Variants in SPAST observed in about 807,000 individuals in gnomAD.
SPAST encodes the protein spastin, also known as spastic paraplegia 4 (autosomal dominant; spastin).
Under a neutral mutation model 76.6 loss-of-function variants are expected in SPAST, and 30 were observed. The observed-to-expected ratio is 0.39, with a 90% CI of 0.29 to 0.53. The LOEUF (loss-of-function observed/expected upper bound fraction) is 0.53, where lower values mean the gene tolerates loss of function less well. Ranked by LOEUF, SPAST falls within the 20% of genes least tolerant of loss-of-function variation. The pLI is 0.68. For missense variants in SPAST, 717 were observed against 770.5 expected (o/e 0.93, Z 0.82); for synonymous variants, 305 against 281.0 (o/e 1.09, Z -0.86).
At chr2:32,085,272 T>C (rs1264320565) in intron 1 of SPAST, among the ~76,000 whole-genome samples, 1 of 144,532 alleles carries the variant, frequency 6.9e-6, no homozygotes, top group African/African-American at 2.5e-5. Flanking sequence ...AATGGTACAA[T>C]CTGGTACAAT....
chr2:32,106,737 G>T (rs911863355), intron 4 of SPAST, among the ~76,000 whole-genome samples: 2 of 152,144 alleles, frequency 1.3e-5, no homozygotes, highest in African/African-American at 4.8e-5. Flanking sequence ...TCTTATGTTG[G>T]TTTGGTCTTA....
At chr2:32,081,826 G>T (rs1252303401) in intron 1 of SPAST, among the ~76,000 whole-genome samples, 2 of 130,212 alleles carry the variant, frequency 1.5e-5, no homozygotes, top group Non-Finnish European at 3.4e-5. Context: ...TGCTCCAAAT[G>T]CTGGGCTCAT....
At chr2:32,147,130 T>C (rs930967451) in intron 15 of SPAST, 88 bp from the exon 16 acceptor site, 3 of 826,722 alleles carry the variant, frequency 3.6e-6, no homozygotes, top group African/African-American at 3.3e-5. Flanking sequence ...AATAGATACA[T>C]GTAGATCATT....
At chr2:32,090,167 G>T (rs1319159787) in intron 3 of SPAST, among the ~76,000 whole-genome samples, 4 of 152,210 alleles carry the variant, frequency 2.6e-5, no homozygotes, top group Admixed American at 2.6e-4. Context: ...TGCAGCTGAT[G>T]GGCCAACCCA....
intron 14 of SPAST, 132 bp downstream of exon 14, chr2:32,143,547 C>G: frequency 1.5e-6 from 1 of 660,024 alleles, no homozygotes; most frequent in South Asian, 1.8e-5. Flanking sequence ...CTCTCATCCT[C>G]TACCTCCTTT....
In SPAST at chr2:32,126,964, G is replaced by C; in HGVS notation, c.1115G>C (p.Arg372Thr). 2 of 1,611,218 alleles carry C rather than the reference G, an allele frequency of 1.2e-6. No homozygotes were observed. The highest frequency in any genetic ancestry group is 8.5e-7 in the Non-Finnish European group (1 of 1,177,406). ...SLRPELFTGL[R>T]APARGLLLFG... ...ATTTTTTAGTTGTTCACAGGGCTTA[G>C]AGCTCCTGCCAGAGGGCTGTTACTC... Residue 372 changes from arginine (R) to threonine (T), a missense_variant, in exon 8 of 17, where the codon AGA (arginine) becomes ACA (threonine). Around this residue, in one of 3 missense-constraint regions of SPAST, gnomAD observed 78 missense variants for 197.6 expected, o/e 0.39. Coordinates refer to ENST00000315285, the MANE Select transcript of SPAST (RefSeq NM_014946.4).
At chr2:32,131,994 A>C (rs905542522) in intron 9 of SPAST, among the ~76,000 whole-genome samples, 3 of 152,098 alleles carry the variant, frequency 2.0e-5, no homozygotes, top group Admixed American at 1.3e-4. Context: ...TACTTTTTTC[A>C]AGAGTACTGT....
chr2:32,069,657 C>T (rs1200212710), intron 1 of SPAST, among the ~76,000 whole-genome samples: 2 of 151,388 alleles, frequency 1.3e-5, no homozygotes, highest in South Asian at 2.1e-4. Context: ...CCCACGTTCA[C>T]GCCATTTTCC....
At chr2:32,085,202 CTTCTTT>C (rs1490881478) in intron 1 of SPAST, among the ~76,000 whole-genome samples, 4 of 122,968 alleles carry the variant, frequency 3.3e-5, no homozygotes, top group African/African-American at 1.2e-4. Flanking sequence ...TTTTCTTCTT[CTTCTTT>C]TTTTTTTTTT....
intron 9 of SPAST, among the ~76,000 whole-genome samples, chr2:32,130,862 C>T (rs1157289170): frequency 6.6e-6 from 1 of 152,048 alleles, no homozygotes; most frequent in Non-Finnish European, 1.5e-5. Flanking sequence ...TTTATCAGTA[C>T]ACCAAGAGCA....
rs1558620248 is a variant in SPAST at position 32,083,767 on chromosome 2, TATATATATA to T, written c.416-3724_416-3716del. 8.7e-3 allele frequency among the ~76,000 whole-genome samples: 860 copies of T among 98,506 alleles called. 14 individuals are homozygous for T. The highest frequency in any genetic ancestry group is 0.011 in the African/African-American group (257 of 23,424). 64.6% of individuals were successfully genotyped at this position (98,506 alleles called of 152,430 possible). On this transcript the variant is annotated intron_variant, in intron 1 of 16. Transcript: ENST00000315285. Reference sequence around the variant, plus strand: ...TATATATACTATATATATATATATATATATATATATTTTTTTTTTTTTTTGAGATGAAGT... The same window carrying T: ...TATATATACTATATATATATATATATTTTTTTTTTTTTTTTGAGATGAAGT...
At chr2:32,098,681 G>GT in intron 3 of SPAST, 115 bp from the exon 4 acceptor site, 1 of 671,634 alleles carries the variant, frequency 1.5e-6, no homozygotes, top group Non-Finnish European at 2.6e-6. Flanking sequence ...TTTTTATCAT[G>GT]TAACAATCTG....
intron 1 of SPAST, among the ~76,000 whole-genome samples, chr2:32,083,746 TATACTATATATATATATATA>T (rs1677342319): frequency 1.7e-5 from 1 of 59,570 alleles, no homozygotes. Flanking sequence ...TATATTTATA[TATACTATATATATATATATA>T]TATATATATA....
intron 15 of SPAST, among the ~76,000 whole-genome samples, chr2:32,146,085 T>G (rs1286536384): frequency 6.6e-6 from 1 of 152,230 alleles, no homozygotes; most frequent in Non-Finnish European, 1.5e-5. Context: ...AATGTAATCT[T>G]GAGAGTATAT....
intron 16 of SPAST, among the ~76,000 whole-genome samples, chr2:32,148,810 C>CAA (rs372253559): frequency 0.4 from 47,571 of 120,218 alleles, 9,129 homozygotes; most frequent in East Asian, 0.65. Flanking sequence ...GACTCCATCT[C>CAA]AAAAAAAAAA....
Position 32,141,888 on chromosome 2 carries a change from G to C in SPAST, c.1494-16G>C. On this transcript the variant is annotated splice_polypyrimidine_tract_variant and intron_variant, in intron 12 of 16. Transcript: ENST00000315285. ...TCAAAATTATATTTCTAAAAGTGCT[G>C]GATTTTTTTTTTTAGGCGTTTCATC... 6.3e-7 allele frequency: 1 copy of C among 1,594,332 alleles called. No individual in the cohort carries two copies. The highest frequency in any genetic ancestry group is 8.6e-7 in the Non-Finnish European group (1 of 1,165,470).
chr2:32,083,869 C>T (rs1677364934), intron 1 of SPAST, among the ~76,000 whole-genome samples: 2 of 147,774 alleles, frequency 1.4e-5, no homozygotes, highest in Admixed American at 1.4e-4. Flanking sequence ...ACCTCTGCCT[C>T]CCAGGTTCAA....
chr2:32,143,229 T>G (rs1246200192), intron 13 of SPAST, 107 bp from the exon 14 acceptor site: 3 of 696,928 alleles, frequency 4.3e-6, no homozygotes, highest in Admixed American at 2.2e-5. Context: ...GATTGTGCCC[T>G]GCACTCCAGC....
At chr2:32,085,375 A>G (rs1168526875) in intron 1 of SPAST, among the ~76,000 whole-genome samples, 1 of 151,946 alleles carries the variant, frequency 6.6e-6, no homozygotes, top group African/African-American at 2.4e-5. Context: ...ATCCCCAATC[A>G]TGGTTAATTT....
Sources: gnomAD v4.1 joint callset for allele counts (sites outside exome capture counted in the v4.1 genomes callset) on GRCh38, gnomAD v4.1.1 for gene constraint, gnomAD v4.1.1 regional missense constraint, MANE v1.5 for transcripts, NCBI Gene and HGNC (gene_info 2026-07-23, HGNC 2026-07-21) for gene names.